Variants in PPFIA2 observed in about 807,000 individuals in gnomAD.
PPFIA2 encodes liprin-alpha-2.
PPFIA2 carries 46 observed loss-of-function variants against 175.5 expected under a neutral mutation model. The observed-to-expected ratio is 0.26, with a 90% CI of 0.21 to 0.34. The LOEUF is 0.34. Among genes scored for constraint, PPFIA2 ranks in the 10% least tolerant of loss-of-function variants. The pLI, the probability that PPFIA2 is intolerant of heterozygous loss-of-function variation, is 1.00. For synonymous variants in PPFIA2, 568 were observed against 511.4 expected (o/e 1.11, Z -1.49); for missense variants, 1,179 against 1,506.1 (o/e 0.78, Z 3.60).
intron 4 of PPFIA2, among the ~76,000 whole-genome samples, chr12:81,485,158 C>G (rs1254205537): frequency 6.6e-6 from 1 of 151,766 alleles, no homozygotes; most frequent in African/African-American, 2.4e-5. Context: ...GAAGTTTTTG[C>G]TTGTCTTCAA....
chr12:81,540,758 A>G (rs970940421), intron 4 of PPFIA2, among the ~76,000 whole-genome samples: 14 of 152,072 alleles, frequency 9.2e-5, no homozygotes, highest in Admixed American at 9.2e-4. Flanking sequence ...ATTGCAGTTT[A>G]GAATTCTAAG....
intron 4 of PPFIA2, among the ~76,000 whole-genome samples, chr12:81,605,533 A>C (rs1309247457): frequency 1.3e-5 from 2 of 151,840 alleles, no homozygotes; most frequent in African/African-American, 4.8e-5. Flanking sequence ...TGCCATATGG[A>C]ATGAAATTTG....
intron 3 of PPFIA2, among the ~76,000 whole-genome samples, chr12:81,677,549 A>C (rs2072778981): frequency 6.6e-6 from 1 of 151,858 alleles, no homozygotes; most frequent in African/African-American, 2.4e-5. Context: ...CACTACCTCC[A>C]TGAGATCATT....
At chr12:81,643,317 C>T (rs2065615626) in intron 4 of PPFIA2, among the ~76,000 whole-genome samples, 1 of 151,776 alleles carries the variant, frequency 6.6e-6, no homozygotes, top group Non-Finnish European at 1.5e-5. Flanking sequence ...AAAGACCCCT[C>T]AACCACTAAA....
chr12:81,413,585 T>A (rs73356654), intron 7 of PPFIA2, among the ~76,000 whole-genome samples: 4,510 of 151,896 alleles, frequency 0.03, 209 homozygotes, highest in African/African-American at 0.1. Context: ...GACAGTTTAA[T>A]GAAAGTCATC....
At chr12:81,454,596 G>A (rs547461715) in intron 5 of PPFIA2, among the ~76,000 whole-genome samples, 1 of 152,074 alleles carries the variant, frequency 6.6e-6, no homozygotes, top group Admixed American at 6.5e-5. Context: ...TTTCTATTTT[G>A]GAAGATGGTA....
chr12:81,570,494 G>T (rs1458843036), intron 4 of PPFIA2, among the ~76,000 whole-genome samples: 1 of 151,942 alleles, frequency 6.6e-6, no homozygotes, highest in Non-Finnish European at 1.5e-5. Flanking sequence ...TGCTATTTTT[G>T]CCAAGAGAAG....
intron 19 of PPFIA2, among the ~76,000 whole-genome samples, chr12:81,343,956 C>T (rs1391287652): frequency 6.6e-6 from 1 of 152,102 alleles, no homozygotes; most frequent in Admixed American, 6.6e-5. Flanking sequence ...AGCCCATACT[C>T]TAAATCATCT....
intron 11 of PPFIA2, among the ~76,000 whole-genome samples, chr12:81,370,220 G>T (rs1181960739): frequency 6.6e-6 from 1 of 151,728 alleles, no homozygotes; most frequent in Non-Finnish European, 1.5e-5. Context: ...TAGAAAAAAA[G>T]ATAAAAAAAC....
At chr12:81,465,683 T>C (rs1362292821) in intron 4 of PPFIA2, among the ~76,000 whole-genome samples, 1 of 152,186 alleles carries the variant, frequency 6.6e-6, no homozygotes, top group Non-Finnish European at 1.5e-5. Context: ...AAAAAATATG[T>C]ATGTTTTTCC....
At chr12:81,734,663 G>A (rs912690897) in intron 3 of PPFIA2, among the ~76,000 whole-genome samples, 1 of 151,712 alleles carries the variant, frequency 6.6e-6, no homozygotes, top group South Asian at 2.1e-4. Flanking sequence ...GCCATGGAAA[G>A]TTATTTTTTA....
chr12:81,468,078 C>T (rs1489525482), intron 4 of PPFIA2, among the ~76,000 whole-genome samples: 1 of 152,128 alleles, frequency 6.6e-6, no homozygotes, highest in Non-Finnish European at 1.5e-5. Context: ...CTCCATCTCC[C>T]CTTCATTTTT....
At chr12:81,358,246 C>T in intron 15 of PPFIA2, 29 bp from the exon 16 acceptor site, 1 of 1,543,228 alleles carries the variant, frequency 6.5e-7, no homozygotes, top group Non-Finnish European at 8.7e-7. Context: ...ATAAAATAAT[C>T]CAATCTCAAA....
intron 3 of PPFIA2, among the ~76,000 whole-genome samples, chr12:81,683,022 C>T (rs2073908973): frequency 6.6e-6 from 1 of 152,000 alleles, no homozygotes; most frequent in Non-Finnish European, 1.5e-5. Flanking sequence ...TTTCTATCTT[C>T]AGCTTCAACT....
intron 4 of PPFIA2, among the ~76,000 whole-genome samples, chr12:81,650,245 G>A (rs1156340292): frequency 1.3e-5 from 2 of 151,888 alleles, no homozygotes; most frequent in African/African-American, 4.8e-5. Context: ...TCCTGACCTC[G>A]TGATCTGCCC....
intron 21 of PPFIA2, among the ~76,000 whole-genome samples, chr12:81,331,276 G>A (rs1489599801): frequency 1.3e-5 from 2 of 152,160 alleles, no homozygotes; most frequent in African/African-American, 4.8e-5. Context: ...GTCACATATT[G>A]TGGATTTTTT....
chr12:81,632,184 G>T (rs2063469821), intron 4 of PPFIA2, among the ~76,000 whole-genome samples: 1 of 152,068 alleles, frequency 6.6e-6, no homozygotes, highest in African/African-American at 2.4e-5. Flanking sequence ...TGTAGACCAT[G>T]AAATACTCTC....
chr12:81,285,314 T>TG (rs1362431997), intron 24 of PPFIA2, among the ~76,000 whole-genome samples: 1 of 152,092 alleles, frequency 6.6e-6, no homozygotes, highest in Non-Finnish European at 1.5e-5. Context: ...CTACTTGTTT[T>TG]GGGGAGGGTC....
At chr12:81,276,045 A>C (rs897807751) in intron 28 of PPFIA2, among the ~76,000 whole-genome samples, 1 of 152,122 alleles carries the variant, frequency 6.6e-6, no homozygotes, top group Non-Finnish European at 1.5e-5. Context: ...CGGCCTCCCA[A>C]AGTGCTGCGA....
Sources: allele counts gnomAD v4.1 joint callset (sites outside exome capture counted in the v4.1 genomes callset), GRCh38; gene constraint gnomAD v4.1.1; transcripts MANE v1.5; gene names NCBI Gene and HGNC (gene_info 2026-07-23, HGNC 2026-07-21).